Variants in CD82 observed in about 807,000 individuals in gnomAD.
The protein encoded by CD82 is CD82 molecule.
In CD82, 36 loss-of-function variants were observed where a neutral mutation model predicts 37.4. The ratio of observed to expected loss-of-function variants is 0.96; its 90% CI spans 0.74 to 1.27. The LOEUF (loss-of-function observed/expected upper bound fraction) is 1.27, where lower values mean the gene tolerates loss of function less well. CD82 is among the 50% of genes most tolerant of loss of function. The pLI is 0.00. For missense variants in CD82, 340 were observed against 347.0 expected (o/e 0.98, Z 0.16); for synonymous variants, 158 against 137.4 (o/e 1.15, Z -1.05).
At position 44,618,875 on chromosome 11, in the gene CD82, C is replaced by T. The variant is rs1280704726; in HGVS notation, c.726+152C>T. On this transcript the variant is annotated intron_variant, in intron 9 of 9. Transcript: ENST00000227155. ...GTCTGAGCACTGTCTGGCTGTGTGACCTCAGACAAGGCACTGCCCCGCTCT... is the reference window on the plus strand; with the variant it reads ...GTCTGAGCACTGTCTGGCTGTGTGATCTCAGACAAGGCACTGCCCCGCTCT... The T allele has an allele frequency of 4.7e-6, 4 of 845,866 alleles. No individual in the cohort carries two copies. In the Admixed American group the frequency reaches 8.7e-5, roughly 18 times the overall value. 52.4% of individuals were successfully genotyped at this position (845,866 alleles called of 1,614,324 possible).
chr11:44,575,563 C>G (rs1056952297), intron 1 of CD82, among the ~76,000 whole-genome samples: 1 of 152,218 alleles, frequency 6.6e-6, no homozygotes, highest in African/African-American at 2.4e-5. Flanking sequence ...ATGTGCATTG[C>G]TAACACGTTC....
intron 6 of CD82, among the ~76,000 whole-genome samples, chr11:44,614,234 T>G (rs1853528583): frequency 6.6e-6 from 1 of 152,160 alleles, no homozygotes; most frequent in Non-Finnish European, 1.5e-5. Flanking sequence ...CCCTCAGTCT[T>G]GGGGCCCCCT....
chr11:44,603,542 C>T (rs1489192449), intron 4 of CD82, among the ~76,000 whole-genome samples: 1 of 152,130 alleles, frequency 6.6e-6, no homozygotes, highest in African/African-American at 2.4e-5. Context: ...CTGCTGGGAG[C>T]GTCTTGGTCG....
intron 2 of CD82, among the ~76,000 whole-genome samples, chr11:44,591,162 G>A (rs1853139909): frequency 6.6e-6 from 1 of 152,172 alleles, no homozygotes; most frequent in Non-Finnish European, 1.5e-5. Flanking sequence ...TGACTGGGCT[G>A]CCTGGCTCTC....
At chr11:44,618,043 C>A in intron 7 of CD82, 119 bp from the exon 8 acceptor site, 1 of 779,912 alleles carries the variant, frequency 1.3e-6, no homozygotes, top group Non-Finnish European at 2.1e-6. Flanking sequence ...CGGCTGGGAC[C>A]AGGGGCCTGG....
Position 44,572,274 on chromosome 11 carries a change from G to A in CD82, c.-103+6538G>A, listed in dbSNP as rs185720630. On this transcript the variant is annotated intron_variant, in intron 1 of 9. Transcript: ENST00000227155. The stretch of plus-strand genomic sequence containing the variant: ...CAAAATACAGGCAACTACATGTAAC[G>A]TACCCGTTACGAAATACAATTATAT... 7.9e-5 allele frequency among the ~76,000 whole-genome samples: 12 copies of A among 152,268 alleles called. No homozygotes were observed. In the East Asian group the frequency reaches 1.5e-3, roughly 20 times the overall value.
At chr11:44,572,441 A>AATGTATTAT in intron 1 of CD82, among the ~76,000 whole-genome samples, 1 of 152,370 alleles carries the variant, frequency 6.6e-6, no homozygotes, top group South Asian at 2.1e-4. Flanking sequence ...TTTGAACAAA[A>AATGTATTAT]ATGTATTATA....
intron 1 of CD82, among the ~76,000 whole-genome samples, chr11:44,585,579 G>A (rs1043198681): frequency 2.0e-4 from 31 of 152,178 alleles, no homozygotes; most frequent in African/African-American, 7.2e-4. Flanking sequence ...GGCGGGGTTG[G>A]CATCCCCATC....
chr11:44,605,053 C>A lies in CD82; in HGVS notation c.137-5C>A, dbSNP rs766356274. On this transcript the variant is annotated splice_polypyrimidine_tract_variant and splice_region_variant and intron_variant, in intron 4 of 9. Transcript: ENST00000227155. The stretch of plus-strand genomic sequence containing the variant: ...CACTGATTTTGTACTTCTTCTTCCC[C>A]CTAGAAACCTCCTCCAGCTCGCTTA... 17 of 1,614,050 alleles carry A rather than the reference C, an allele frequency of 1.1e-5. No individual in the cohort carries two copies. The highest frequency in any genetic ancestry group is 1.4e-5 in the Non-Finnish European group (17 of 1,180,044).
chr11:44,605,019 TG>T (rs1180252119), intron 4 of CD82, 38 bp from the exon 5 acceptor site: 1 of 1,614,102 alleles, frequency 6.2e-7, no homozygotes, highest in South Asian at 1.1e-5. Context: ...TGTTTATACC[TG>T]CTGTGCCCAC....
intron 1 of CD82, chr11:44,585,094 A>G (rs1853033960): frequency 2.4e-6 from 1 of 420,444 alleles, no homozygotes; most frequent in Non-Finnish European, 4.8e-6. Flanking sequence ...CTAGAGGCAG[A>G]GGCTCCTCCT....
rs796643491 is a variant in CD82, at chr11:44,589,943, C to T, written c.-21+2387C>T. 4.6e-5 allele frequency among the ~76,000 whole-genome samples: 7 copies of T among 152,268 alleles called. No individual in the cohort carries two copies. In the East Asian group the frequency reaches 9.7e-4, roughly 21 times the overall value. ...CCACCTCCTGGGTTTACACCATTCTCCTGCCTCAGCCTCCCAAGTAGCTGG... is the reference window on the plus strand; with the variant it reads ...CCACCTCCTGGGTTTACACCATTCTTCTGCCTCAGCCTCCCAAGTAGCTGG... On this transcript the variant is annotated intron_variant, in intron 2 of 9. Coordinates refer to ENST00000227155, the MANE Select transcript of CD82 (RefSeq NM_002231.4).
chr11:44,589,715 C>G (rs1353654013), intron 2 of CD82, among the ~76,000 whole-genome samples: 1 of 152,246 alleles, frequency 6.6e-6, no homozygotes, highest in East Asian at 1.9e-4. Context: ...AGGATTTGAA[C>G]CCTTGTTCAG....
intron 2 of CD82, among the ~76,000 whole-genome samples, 154 bp from the exon 3 acceptor site, chr11:44,594,489 T>C (rs1364535621): frequency 6.6e-6 from 1 of 152,156 alleles, no homozygotes; most frequent in Non-Finnish European, 1.5e-5. Flanking sequence ...TGGGACCTCA[T>C]TTCCTAGCTG....
chr11:44,612,132 C>T (rs559828296), intron 6 of CD82, among the ~76,000 whole-genome samples: 1 of 152,242 alleles, frequency 6.6e-6, no homozygotes, highest in Non-Finnish European at 1.5e-5. Context: ...GGCAGACAGC[C>T]CCAGCTATGT....
chr11:44,593,535 G>T (rs1467685884), intron 2 of CD82, among the ~76,000 whole-genome samples: 1 of 152,216 alleles, frequency 6.6e-6, no homozygotes, highest in Non-Finnish European at 1.5e-5. Flanking sequence ...TTCCTCCCGG[G>T]GCCCTCCCCT....
intron 2 of CD82, among the ~76,000 whole-genome samples, chr11:44,588,220 G>T (rs78282412): frequency 2.5e-3 from 143 of 56,344 alleles, no homozygotes; most frequent in Middle Eastern, 0.019. Flanking sequence ...TTTTTTTTTT[G>T]TTTTTTGTTT....
intron 6 of CD82, among the ~76,000 whole-genome samples, chr11:44,614,691 T>G (rs1853535847): frequency 6.7e-6 from 1 of 150,252 alleles, no homozygotes; most frequent in Non-Finnish European, 1.5e-5. Context: ...GGAGAGGGGA[T>G]GGGGAAGGGC....
chr11:44,614,211 C>T (rs1237916421), intron 6 of CD82, among the ~76,000 whole-genome samples: 1 of 152,068 alleles, frequency 6.6e-6, no homozygotes, highest in Non-Finnish European at 1.5e-5. Flanking sequence ...TAGTTGATAC[C>T]GAAGTTCCAG....
Sources: gnomAD v4.1 joint callset for allele counts (sites outside exome capture counted in the v4.1 genomes callset) on GRCh38, gnomAD v4.1.1 for gene constraint, MANE v1.5 for transcripts, NCBI Gene and HGNC (gene_info 2026-07-23, HGNC 2026-07-21) for gene names.